The following SORT1 variants were observed in gnomAD, a reference collection of about 807,000 sequenced individuals.
SORT1 encodes the protein sortilin.
SORT1 carries 39 observed loss-of-function variants against 101.7 expected under a neutral mutation model. The observed-to-expected ratio is 0.38, with a 90% confidence interval of 0.30 to 0.50. SORT1 has a LOEUF of 0.50. Among genes scored for constraint, SORT1 ranks in the 20% least tolerant of loss-of-function variants. SORT1 has a pLI of 0.90. For missense variants in SORT1, 878 were observed against 1,040.4 expected (o/e 0.84, Z 2.15); for synonymous variants, 396 against 393.7 (o/e 1.01, Z -0.07).
At position 109,319,213 on chromosome 1, in the gene SORT1, T is replaced by C. The variant is rs117503739; in HGVS notation, c.2025-1244A>G. Among the ~76,000 whole-genome samples, 334 of 152,334 alleles carry C rather than the reference T, an allele frequency of 2.2e-3. 6 individuals carry two copies. The East Asian group carries it at 0.032, about 15-fold the overall frequency. On this transcript the variant is annotated intron_variant, in intron 15 of 19. Coordinates refer to ENST00000256637, the MANE Select transcript of SORT1 (RefSeq NM_002959.7). Reference sequence around the variant, plus strand: ...TGCCTTCCATGTGAACACCTTTTTCTGTCCTCCATTCTACCCCATCTCTCC... The same window carrying C: ...TGCCTTCCATGTGAACACCTTTTTCCGTCCTCCATTCTACCCCATCTCTCC...
chr1:109,372,768 G>A (rs1041188934), intron 1 of SORT1, among the ~76,000 whole-genome samples: 9 of 151,924 alleles, frequency 5.9e-5, no homozygotes, highest in Non-Finnish European at 1.3e-4. Context: ...GCGTGGTGGC[G>A]GGCACCTGTA....
At chr1:109,397,084 A>G (rs1653221705) in intron 1 of SORT1, 1 of 152,196 alleles carries the variant, frequency 6.6e-6, no homozygotes, top group African/African-American at 2.4e-5. Flanking sequence ...TCACATAAAT[A>G]TTGCCATCTC....
intron 2 of SORT1, among the ~76,000 whole-genome samples, chr1:109,367,707 T>G (rs889637271): frequency 6.6e-5 from 10 of 152,216 alleles, no homozygotes; most frequent in Non-Finnish European, 1.2e-4. Flanking sequence ...TGAGGCTGAC[T>G]ACTCAAATAC....
Position 109,314,479 on chromosome 1 carries a change from C to T in SORT1, c.2358-95G>A, listed in dbSNP as rs535781643. ...TTTCTCAGTTTTATACACTCAGGAA[C>T]GCATCACAGACACAGAAAGCACAGT... is the stretch of plus-strand genomic sequence containing the variant. On this transcript the variant is annotated intron_variant, in intron 18 of 19. Transcript: ENST00000256637. 1.3e-4 allele frequency: 179 copies of T among 1,427,518 alleles called. 1 individual carries two copies. Among genetic ancestry groups the T allele is most frequent in the South Asian group, 7.3e-4 (56 of 76,522 alleles). The allele number at this position is 1,427,518 out of a possible 1,614,324, so 88.4% of individuals were successfully genotyped here. A position where few individuals can be genotyped will look rare whatever the true frequency, so the allele number is the denominator to read the frequency against.
rs183249253 is a variant in SORT1 at position 109,376,069 on chromosome 1, G to A, written c.307-6480C>T. ...TCTCAAAGAACTTAAAGGGCCGGGCGTGGTGGCTCACGCTTGTAATCCCAG... is the reference window on the plus strand; with the variant it reads ...TCTCAAAGAACTTAAAGGGCCGGGCATGGTGGCTCACGCTTGTAATCCCAG... On this transcript the variant is annotated intron_variant, in intron 1 of 19. Coordinates refer to ENST00000256637, the MANE Select transcript of SORT1 (RefSeq NM_002959.7). 5.3e-5 allele frequency among the ~76,000 whole-genome samples: 8 copies of A among 152,332 alleles called. No homozygotes were observed. The East Asian group carries it at 1.3e-3, about 26-fold the overall frequency.
chr1:109,335,579 G>A (rs574056522), intron 11 of SORT1, among the ~76,000 whole-genome samples: 4 of 150,626 alleles, frequency 2.7e-5, no homozygotes, highest in East Asian at 4.0e-4. Context: ...GGGAACTACC[G>A]GTACTTCAGT....
intron 8 of SORT1, among the ~76,000 whole-genome samples, 180 bp from the exon 9 acceptor site, chr1:109,342,338 G>C (rs1223388910): frequency 6.6e-6 from 1 of 152,168 alleles, no homozygotes; most frequent in Non-Finnish European, 1.5e-5. Flanking sequence ...CAAAGTTCTA[G>C]GTAAAGGAAC....
chr1:109,351,477 G>C (rs1649956064), intron 5 of SORT1, among the ~76,000 whole-genome samples: 1 of 152,260 alleles, frequency 6.6e-6, no homozygotes, highest in Admixed American at 6.5e-5. Context: ...CAAACAGGGA[G>C]ATGAGGTGTT....
At chr1:109,386,490 TAGA>T (rs1202646974) in intron 1 of SORT1, among the ~76,000 whole-genome samples, 1 of 152,154 alleles carries the variant, frequency 6.6e-6, no homozygotes, top group African/African-American at 2.4e-5. Context: ...AGGGACTGGT[TAGA>T]AGATCACTTT....
At chr1:109,347,445 C>A in intron 7 of SORT1, 38 bp downstream of exon 7, 2 of 1,445,016 alleles carry the variant, frequency 1.4e-6, no homozygotes, top group South Asian at 1.1e-5. Context: ...CATGAATGGA[C>A]AACAGGACAT....
rs529741548 is a variant in SORT1, at chr1:109,369,734, G to C, written c.307-145C>G. 4.4e-4 allele frequency: 282 copies of C among 635,710 alleles called. 1 individual carries two copies. The highest frequency in any genetic ancestry group is 2.3e-3 in the Middle Eastern group (9 of 3,924). 39.4% of individuals were successfully genotyped at this position (635,710 alleles called of 1,614,324 possible). A position where few individuals can be genotyped will look rare whatever the true frequency, so the allele number is the denominator to read the frequency against. Reference sequence around the variant, plus strand: ...GTATGGATTCCCAGTACAAAATTTGGGAGGGATGGGATTTAACTACTTAAT... The same window carrying C: ...GTATGGATTCCCAGTACAAAATTTGCGAGGGATGGGATTTAACTACTTAAT... On this transcript the variant is annotated intron_variant, in intron 1 of 19. Coordinates refer to ENST00000256637, the MANE Select transcript of SORT1 (RefSeq NM_002959.7).
intron 6 of SORT1, among the ~76,000 whole-genome samples, chr1:109,349,835 A>G (rs1649842761): frequency 6.6e-6 from 1 of 152,210 alleles, no homozygotes; most frequent in Non-Finnish European, 1.5e-5. Flanking sequence ...TATTTTAATC[A>G]ATCTTGGTAG....
At chr1:109,317,479 G>A (rs1647294759) in intron 16 of SORT1, among the ~76,000 whole-genome samples, 1 of 152,226 alleles carries the variant, frequency 6.6e-6, no homozygotes, top group Non-Finnish European at 1.5e-5. Context: ...CTCCCTGGCT[G>A]TGCCTAAACT....
intron 1 of SORT1, among the ~76,000 whole-genome samples, chr1:109,384,113 C>T (rs770840040): frequency 7.9e-5 from 12 of 152,062 alleles, no homozygotes; most frequent in African/African-American, 1.2e-4. Context: ...TTGTTGTTTT[C>T]GAGATCAGCT....
chr1:109,384,785 G>T (rs1652471209), intron 1 of SORT1, among the ~76,000 whole-genome samples: 3 of 152,104 alleles, frequency 2.0e-5, no homozygotes, highest in Non-Finnish European at 4.4e-5. Context: ...ACACAGAAAA[G>T]AAATAGGACC....
At chr1:109,345,000 ATATTTATTTTTTGAG>A (rs1270195750) in intron 8 of SORT1, among the ~76,000 whole-genome samples, 2 of 152,080 alleles carry the variant, frequency 1.3e-5, no homozygotes, top group Non-Finnish European at 2.9e-5. Context: ...CCCAGCCTTC[ATATTTATTTTTTGAG>A]TATTTATTTT....
At chr1:109,354,268 A>G in intron 5 of SORT1, 99 bp downstream of exon 5, 2 of 851,444 alleles carry the variant, frequency 2.3e-6, no homozygotes, top group South Asian at 4.5e-5. Context: ...ACTTGAAAGA[A>G]GTCCAATATT....
chr1:109,383,603 T>A (rs543192567), intron 1 of SORT1, among the ~76,000 whole-genome samples: 1 of 152,158 alleles, frequency 6.6e-6, no homozygotes, highest in Non-Finnish European at 1.5e-5. Context: ...AGGCAAGGCA[T>A]CGGTGATCCC....
intron 15 of SORT1, among the ~76,000 whole-genome samples, chr1:109,319,742 C>T (rs1337632902): frequency 2.0e-5 from 3 of 152,014 alleles, no homozygotes; most frequent in Non-Finnish European, 4.4e-5. Context: ...TGGTGTGTGC[C>T]TATAATCCCA....
Sources: allele counts gnomAD v4.1 joint callset (sites outside exome capture counted in the v4.1 genomes callset), GRCh38; gene constraint gnomAD v4.1.1; transcripts MANE v1.5; gene names NCBI Gene and HGNC (gene_info 2026-07-23, HGNC 2026-07-21).